The following GRIP1 variants were observed in gnomAD, a reference collection of about 807,000 sequenced individuals.
GRIP1 encodes glutamate receptor interacting protein 1, also known as glutamate receptor-interacting protein 1.
GRIP1 carries 45 observed loss-of-function variants against 129.9 expected under a neutral mutation model. The ratio of observed to expected loss-of-function variants is 0.35; its 90% confidence interval spans 0.27 to 0.44. GRIP1 has a LOEUF of 0.44. GRIP1 is among the 20% of genes least tolerant of loss of function. The pLI is 1.00. For missense variants in GRIP1, 1,196 were observed against 1,396.8 expected (o/e 0.86, Z 2.29); for synonymous variants, 530 against 520.8 (o/e 1.02, Z -0.24).
intron 1 of GRIP1, among the ~76,000 whole-genome samples, chr12:67,041,038 G>A (rs2043169569): frequency 6.6e-6 from 1 of 151,982 alleles, no homozygotes; most frequent in Non-Finnish European, 1.5e-5. Context: ...GACTGCCTTT[G>A]GACTCAGACT....
At chr12:66,701,598 A>G (rs12231974) in intron 1 of GRIP1, among the ~76,000 whole-genome samples, 8,495 of 152,110 alleles carry the variant, frequency 0.056, 356 homozygotes, top group East Asian at 0.2. Context: ...TACCTTCACC[A>G]CTTTTTTCCT....
intron 7 of GRIP1, among the ~76,000 whole-genome samples, chr12:66,479,069 AAG>A (rs2059718004): frequency 6.7e-6 from 1 of 148,552 alleles, no homozygotes; most frequent in Non-Finnish European, 1.5e-5. Context: ...AAAAAAGAGA[AAG>A]AAACTGTAGC....
intron 1 of GRIP1, among the ~76,000 whole-genome samples, chr12:66,895,459 T>A (rs1239906329): frequency 6.6e-6 from 1 of 152,170 alleles, no homozygotes; most frequent in Non-Finnish European, 1.5e-5. Context: ...TTTTTCTTTA[T>A]AAATTACCCA....
intron 1 of GRIP1, among the ~76,000 whole-genome samples, chr12:66,775,765 C>CT (rs1486625575): frequency 6.6e-6 from 1 of 152,098 alleles, no homozygotes; most frequent in Non-Finnish European, 1.5e-5. Flanking sequence ...ACTGCTCTTT[C>CT]TCCAACTCTA....
At chr12:66,550,110 T>A (rs903470443) in intron 2 of GRIP1, among the ~76,000 whole-genome samples, 3 of 152,206 alleles carry the variant, frequency 2.0e-5, no homozygotes, top group African/African-American at 7.2e-5. Context: ...ATTGTTCCAA[T>A]TTCTACTGCT....
At chr12:66,656,660 C>T (rs139305376) in intron 1 of GRIP1, among the ~76,000 whole-genome samples, 1 of 152,260 alleles carries the variant, frequency 6.6e-6, no homozygotes, top group East Asian at 1.9e-4. Flanking sequence ...CTGGAAATAA[C>T]ATATTTCTTT....
chr12:66,734,696 T>C (rs1463206733), intron 1 of GRIP1, among the ~76,000 whole-genome samples: 1 of 152,136 alleles, frequency 6.6e-6, no homozygotes, highest in East Asian at 1.9e-4. Context: ...GGAAGATAAC[T>C]TCAGAAACAG....
chr12:67,044,672 A>T (rs2043227388), intron 1 of GRIP1, among the ~76,000 whole-genome samples: 1 of 152,128 alleles, frequency 6.6e-6, no homozygotes, highest in Non-Finnish European at 1.5e-5. Flanking sequence ...GCTACTTCTA[A>T]TTCTCCTCTA....
At chr12:67,032,929 A>G (rs1437439466) in intron 1 of GRIP1, among the ~76,000 whole-genome samples, 2 of 152,086 alleles carry the variant, frequency 1.3e-5, no homozygotes, top group Non-Finnish European at 2.9e-5. Flanking sequence ...TAACCAATAT[A>G]AAAATGATTA....
At chr12:66,358,158 G>C (rs530784113) in intron 23 of GRIP1, among the ~76,000 whole-genome samples, 14 of 152,194 alleles carry the variant, frequency 9.2e-5, no homozygotes, top group Non-Finnish European at 1.6e-4. Context: ...CCTTCCAAAA[G>C]TGCTGGGATT....
At chr12:66,985,803 T>C (rs2135615866) in intron 1 of GRIP1, among the ~76,000 whole-genome samples, 1 of 152,332 alleles carries the variant, frequency 6.6e-6, no homozygotes, top group African/African-American at 2.4e-5. Context: ...TTTATCAAGA[T>C]GGCATGTCGT....
intron 2 of GRIP1, among the ~76,000 whole-genome samples, chr12:66,592,416 T>C (rs1378066605): frequency 6.6e-6 from 1 of 152,200 alleles, no homozygotes; most frequent in African/African-American, 2.4e-5. Context: ...AAGCATTTCT[T>C]ACAGTCTAGG....
At chr12:66,401,766 G>C (rs2057011191) in intron 16 of GRIP1, among the ~76,000 whole-genome samples, 5 of 151,994 alleles carry the variant, frequency 3.3e-5, no homozygotes, top group Admixed American at 3.3e-4. Context: ...AAATTTCCCA[G>C]ATTGTCAGTT....
intron 5 of GRIP1, among the ~76,000 whole-genome samples, chr12:66,522,523 A>G (rs541349123): frequency 4.6e-5 from 7 of 152,214 alleles, no homozygotes; most frequent in Non-Finnish European, 8.8e-5. Context: ...TCCACACCAA[A>G]AACACATCTG....
chr12:66,886,814 T>G (rs2040573369), intron 1 of GRIP1, among the ~76,000 whole-genome samples: 1 of 152,174 alleles, frequency 6.6e-6, no homozygotes, highest in Admixed American at 6.5e-5. Flanking sequence ...ATGACAACAA[T>G]ACCGTGAAGA....
chr12:66,597,022 G>T, intron 1 of GRIP1, 95 bp from the exon 2 acceptor site: 1 of 863,750 alleles, frequency 1.2e-6, no homozygotes, highest in Non-Finnish European at 2.0e-6. Context: ...CGAGAGAGAA[G>T]TGGTACAGTA....
intron 1 of GRIP1, among the ~76,000 whole-genome samples, chr12:66,992,906 G>A (rs759026342): frequency 6.6e-6 from 1 of 152,082 alleles, no homozygotes; most frequent in South Asian, 2.1e-4. Flanking sequence ...TCAGCTCAGG[G>A]GTTTGAGACC....
chr12:66,411,694 G>A (rs2057409097), intron 15 of GRIP1, among the ~76,000 whole-genome samples: 1 of 152,130 alleles, frequency 6.6e-6, no homozygotes, highest in South Asian at 2.1e-4. Flanking sequence ...TGAACTAAAG[G>A]AGCATGTTCT....
chr12:66,501,093 G>A (rs2060379968), intron 7 of GRIP1, among the ~76,000 whole-genome samples: 1 of 152,164 alleles, frequency 6.6e-6, no homozygotes, highest in African/African-American at 2.4e-5. Flanking sequence ...GGGTGTTACT[G>A]TATTGAGCAA....
Sources: gnomAD v4.1 joint callset for allele counts (sites outside exome capture counted in the v4.1 genomes callset) on GRCh38, gnomAD v4.1.1 for gene constraint, MANE v1.5 for transcripts, NCBI Gene and HGNC (gene_info 2026-07-23, HGNC 2026-07-21) for gene names.